TEX11: variants seen among roughly 807,000 people sequenced by gnomAD.
TEX11 encodes testis-expressed protein 11.
In TEX11, 7 loss-of-function variants were observed where a neutral mutation model predicts 84.4. The ratio of observed to expected loss-of-function variants is 0.08; its 90% CI spans 0.05 to 0.16. The LOEUF (loss-of-function observed/expected upper bound fraction) is 0.16, where lower values mean the gene tolerates loss of function less well. Among genes scored for constraint, TEX11 ranks in the 10% least tolerant of loss-of-function variants. TEX11 has a pLI of 1.00. For synonymous variants in TEX11, 264 were observed against 222.8 expected (o/e 1.18, Z -1.64); for missense variants, 551 against 660.5 (o/e 0.83, Z 1.82).
At chrX:70,683,681 A>G (rs1221016321) in intron 13 of TEX11, among the ~76,000 whole-genome samples, 1 of 111,534 alleles carries the variant, frequency 9.0e-6, no homozygotes, top group East Asian at 2.8e-4. Flanking sequence ...CCATCCTAAA[A>G]TTAATATGGA....
At chrX:70,694,906 A>T (rs774902748) in intron 13 of TEX11, among the ~76,000 whole-genome samples, 2 of 111,246 alleles carry the variant, frequency 1.8e-5, no homozygotes, top group African/African-American at 3.3e-5. Context: ...CTCAGAACTG[A>T]TTCATCCCTG....
At chrX:70,641,564 C>G (rs759599653) in intron 17 of TEX11, among the ~76,000 whole-genome samples, 24 of 111,743 alleles carry the variant, frequency 2.1e-4, no homozygotes, top group Non-Finnish European at 3.9e-4. Context: ...TTATAACAAA[C>G]TATCTCTCAG....
At chrX:70,668,130 A>T (rs889064768) in intron 16 of TEX11, among the ~76,000 whole-genome samples, 27 of 111,718 alleles carry the variant, frequency 2.4e-4, no homozygotes, top group African/African-American at 7.5e-4. Flanking sequence ...TTGCTACAAC[A>T]AAGGAGAAAG....
intron 11 of TEX11, among the ~76,000 whole-genome samples, chrX:70,736,747 C>G (rs2090699130): frequency 9.0e-6 from 1 of 111,374 alleles, no homozygotes; most frequent in Admixed American, 9.6e-5. Flanking sequence ...CTCTGCAGGG[C>G]CATGCTCTCA....
chrX:70,684,165 T>C (rs999232301), intron 13 of TEX11, among the ~76,000 whole-genome samples: 1 of 112,398 alleles, frequency 8.9e-6, no homozygotes, highest in Non-Finnish European at 1.9e-5. Context: ...TAAGAACTAA[T>C]AAATTACTTC....
chrX:70,852,370 G>A (rs1250423484), intron 7 of TEX11, among the ~76,000 whole-genome samples: 1 of 111,123 alleles, frequency 9.0e-6, no homozygotes, highest in Admixed American at 9.6e-5. Flanking sequence ...TTATTTTTTG[G>A]TAGAGATGGG....
intron 9 of TEX11, among the ~76,000 whole-genome samples, chrX:70,799,786 C>G (rs892027705): frequency 1.8e-5 from 2 of 112,183 alleles, no homozygotes; most frequent in African/African-American, 6.5e-5. Flanking sequence ...GATCTGGGCA[C>G]AATGGTTTTG....
chrX:70,862,749 CAA>C (rs749817870), intron 4 of TEX11, among the ~76,000 whole-genome samples: 4 of 69,439 alleles, frequency 5.8e-5, no homozygotes, highest in East Asian at 4.3e-4. Context: ...AGTAAAAATA[CAA>C]AAAAAAAAAA....
intron 8 of TEX11, among the ~76,000 whole-genome samples, chrX:70,811,122 C>T (rs2147812416): frequency 9.0e-6 from 1 of 111,040 alleles, no homozygotes; most frequent in African/African-American, 3.3e-5. Context: ...GTGTGCTGCA[C>T]CCATTAACTC....
At chrX:70,838,149 T>C (rs899446247) in intron 7 of TEX11, among the ~76,000 whole-genome samples, 1 of 112,193 alleles carries the variant, frequency 8.9e-6, no homozygotes, top group Non-Finnish European at 1.9e-5. Flanking sequence ...CCAGGCACGG[T>C]AGCTCACACC....
At chrX:70,581,806 T>C (rs1333532605) in intron 25 of TEX11, among the ~76,000 whole-genome samples, 2 of 111,785 alleles carry the variant, frequency 1.8e-5, no homozygotes, top group Non-Finnish European at 1.9e-5. Flanking sequence ...GAAATAGATA[T>C]TATTTTGGTT....
the TEX11 span, among the ~76,000 whole-genome samples, chrX:70,523,769 CT>C: frequency 4.7e-3 from 423 of 90,873 alleles, no homozygotes; most frequent in Non-Finnish European, 5.7e-3. Flanking sequence ...TGGCCCCCCT[CT>C]TTTTTTTTTT....
chrX:70,726,187 G>A (rs1285036400), intron 11 of TEX11, among the ~76,000 whole-genome samples: 2 of 111,890 alleles, frequency 1.8e-5, no homozygotes, highest in Admixed American at 1.9e-4. Context: ...GAGACATAGA[G>A]GTCTTCCAGA....
chrX:70,637,138 G>A (rs2089585315), intron 17 of TEX11, among the ~76,000 whole-genome samples: 1 of 111,901 alleles, frequency 8.9e-6, no homozygotes, highest in Non-Finnish European at 1.9e-5. Context: ...GCCAACAAAT[G>A]TATGAAAAAT....
intron 17 of TEX11, among the ~76,000 whole-genome samples, chrX:70,636,904 A>G (rs1273451123): frequency 1.8e-5 from 2 of 112,025 alleles, no homozygotes; most frequent in Non-Finnish European, 3.8e-5. Flanking sequence ...TAGGCCAATA[A>G]AGTGCCTTCC....
At chrX:70,855,760 G>A (rs951637267) in intron 5 of TEX11, among the ~76,000 whole-genome samples, 1 of 110,418 alleles carries the variant, frequency 9.1e-6, no homozygotes, top group African/African-American at 3.3e-5. Context: ...ATAACCAGAG[G>A]AAATTTGGAC....
At chrX:70,750,921 T>TAA (rs1181422597) in intron 9 of TEX11, among the ~76,000 whole-genome samples, 419 of 35,273 alleles carry the variant, frequency 0.012, 41 homozygotes, top group South Asian at 0.053. Flanking sequence ...TAAAGTATAA[T>TAA]AAAAAAAAAA....
intron 17 of TEX11, among the ~76,000 whole-genome samples, chrX:70,639,161 C>T (rs141043725): frequency 0.43 from 47,057 of 110,469 alleles, 8,381 homozygotes; most frequent in East Asian, 0.58. Context: ...GGGTGACGGA[C>T]GGCACCTGGA....
intron 13 of TEX11, among the ~76,000 whole-genome samples, chrX:70,705,154 T>C (rs2090361410): frequency 9.0e-6 from 1 of 111,646 alleles, no homozygotes; most frequent in Non-Finnish European, 1.9e-5. Context: ...CATTGGTCTA[T>C]ATCTCTGTTT....
Sources: gnomAD v4.1 joint callset for allele counts (sites outside exome capture counted in the v4.1 genomes callset) on GRCh38, gnomAD v4.1.1 for gene constraint, MANE v1.5 for transcripts, NCBI Gene and HGNC (gene_info 2026-07-23, HGNC 2026-07-21) for gene names.